PLXDC2: variants seen among roughly 807,000 people sequenced by gnomAD.
PLXDC2 encodes the protein plexin domain-containing protein 2.
A neutral mutation model predicts 68.9 loss-of-function variants in PLXDC2; 40 were observed. The ratio of observed to expected loss-of-function variants is 0.58; its 90% CI spans 0.45 to 0.76. The LOEUF (loss-of-function observed/expected upper bound fraction) is 0.76. Among genes scored for constraint, PLXDC2 ranks in the 30% least tolerant of loss-of-function variants. PLXDC2 has a pLI of 0.00. For synonymous variants in PLXDC2, 243 were observed against 234.2 expected, an observed-to-expected ratio of 1.04 and a Z score of -0.34; for missense variants, 644 against 661.9, an observed-to-expected ratio of 0.97 and a Z score of 0.30.
At chr10:20,122,978 A>G (rs893350436) in intron 4 of PLXDC2, among the ~76,000 whole-genome samples, 6 of 152,206 alleles carry the variant, frequency 3.9e-5, no homozygotes, top group African/African-American at 1.4e-4. Flanking sequence ...ATTTGATGAA[A>G]AAGAGCCTAA....
At chr10:19,835,653 T>A (rs1836775581) in intron 1 of PLXDC2, among the ~76,000 whole-genome samples, 1 of 152,020 alleles carries the variant, frequency 6.6e-6, no homozygotes, top group Admixed American at 6.6e-5. Context: ...AGAGAGCTGG[T>A]CTGGGAAGGG....
rs1370781989 is a variant in PLXDC2, at chr10:20,245,441, C to T, written c.1409C>T (p.Ala470Val). Residue 470 changes from alanine to valine, a missense_variant, in exon 13 of 14, where the codon GCC (alanine) becomes GTC (valine). Ala to Val is a moderately conservative substitution (Grantham distance 64). Transcript: ENST00000377252. ...ILILVLIVAT[A>V]ILVTVYMYHH... ...ATCCTGGTCCTCATTGTAGCCACAG[C>T]CATTCTTGTGACAGTCTATATGTAT... 1.2e-6 allele frequency: 2 copies of T among 1,613,588 alleles called. No individual in the cohort carries two copies. The highest frequency in any genetic ancestry group is 1.7e-6 in the Non-Finnish European group (2 of 1,179,958).
chr10:19,903,977 C>G lies in PLXDC2; in HGVS notation c.112+86786C>G, dbSNP rs191214832. Among the ~76,000 whole-genome samples the G allele has an allele frequency of 2.2e-3, 337 of 152,114 alleles. 1 individual carries two copies. Among genetic ancestry groups the G allele is most frequent in the African/African-American group, 7.7e-3 (318 of 41,504 alleles). ...CAGGATCAGTTTATTTAATTTCCAT[C>G]TATTTGTGTGGTTTTGAGGGTTCCT... On this transcript the variant is annotated intron_variant, in intron 1 of 13. Coordinates refer to ENST00000377252, the MANE Select transcript of PLXDC2 (RefSeq NM_032812.9).
At chr10:20,186,361 A>G (rs1203248742) in intron 9 of PLXDC2, among the ~76,000 whole-genome samples, 1 of 151,970 alleles carries the variant, frequency 6.6e-6, no homozygotes, top group Admixed American at 6.6e-5. Context: ...TGATGACCAC[A>G]CTAGCGTAGG....
At chr10:20,060,602 C>CACCA (rs1048362846) in intron 3 of PLXDC2, among the ~76,000 whole-genome samples, 4 of 151,860 alleles carry the variant, frequency 2.6e-5, no homozygotes, top group Non-Finnish European at 5.9e-5. Flanking sequence ...CTCAGCCCAG[C>CACCA]TTGCTGCTCT....
At chr10:19,971,402 A>T (rs893691307) in intron 1 of PLXDC2, among the ~76,000 whole-genome samples, 7 of 152,292 alleles carry the variant, frequency 4.6e-5, no homozygotes, top group South Asian at 2.1e-4. Context: ...GTAAGCAAAA[A>T]ATTACTACAG....
At chr10:20,231,404 GTATT>G (rs1459411627) in intron 12 of PLXDC2, among the ~76,000 whole-genome samples, 2 of 151,198 alleles carry the variant, frequency 1.3e-5, no homozygotes, top group East Asian at 3.9e-4. Context: ...CTGCTAAAAA[GTATT>G]TAGAAGGAAA....
At chr10:19,877,371 G>A (rs567316776) in intron 1 of PLXDC2, among the ~76,000 whole-genome samples, 4 of 152,064 alleles carry the variant, frequency 2.6e-5, no homozygotes, top group African/African-American at 7.2e-5. Flanking sequence ...ATTGTTCTTC[G>A]CCCCCATAAC....
rs16920007 is a variant in PLXDC2 at position 20,174,028 on chromosome 10, A to G, written c.884-2971A>G. On this transcript the variant is annotated intron_variant, in intron 7 of 13. Transcript: ENST00000377252. ...TCTCTTTACTCCATACGCACGATCA[A>G]TAACTCTCAGAAGCTTCTCAATCAT... Among the ~76,000 whole-genome samples, 1,426 of 152,316 alleles carry G rather than the reference A, an allele frequency of 9.4e-3. 24 individuals carry two copies. The highest frequency in any genetic ancestry group is 0.033 in the African/African-American group (1,356 of 41,570).
intron 2 of PLXDC2, among the ~76,000 whole-genome samples, chr10:20,035,664 C>G (rs752927001): frequency 6.6e-6 from 1 of 151,910 alleles, no homozygotes; most frequent in African/African-American, 2.4e-5. Context: ...CCACAGCACT[C>G]CAGCCTTGGT....
chr10:20,203,090 C>G (rs1354610210), intron 9 of PLXDC2, among the ~76,000 whole-genome samples: 1 of 152,058 alleles, frequency 6.6e-6, no homozygotes, highest in Non-Finnish European at 1.5e-5. Flanking sequence ...TCAACTCTTT[C>G]CTGTCCTACA....
At chr10:20,202,219 AT>A (rs1387302818) in intron 9 of PLXDC2, among the ~76,000 whole-genome samples, 1 of 152,184 alleles carries the variant, frequency 6.6e-6, no homozygotes, top group Admixed American at 6.6e-5. Context: ...TGCAACAAAT[AT>A]TTAGCTTCAA....
chr10:20,182,559 A>G (rs1834620593), intron 9 of PLXDC2, among the ~76,000 whole-genome samples: 1 of 151,992 alleles, frequency 6.6e-6, no homozygotes, highest in Non-Finnish European at 1.5e-5. Flanking sequence ...CACTATGAAT[A>G]TTCATGTACA....
intron 1 of PLXDC2, among the ~76,000 whole-genome samples, chr10:19,855,765 C>T (rs1564610660): frequency 6.6e-6 from 1 of 152,052 alleles, no homozygotes. Flanking sequence ...TAGTTTAGTG[C>T]CTACAACAAA....
intron 12 of PLXDC2, among the ~76,000 whole-genome samples, chr10:20,230,709 A>AAAAAAAAAAAAAAAAAAAG (rs1164509092): frequency 6.7e-6 from 1 of 149,712 alleles, no homozygotes; most frequent in Admixed American, 6.7e-5. Flanking sequence ...AAAAAAAAAA[A>AAAAAAAAAAAAAAAAAAAG]AAAAACAGGA....
intron 1 of PLXDC2, among the ~76,000 whole-genome samples, chr10:19,946,137 G>A (rs965390612): frequency 4.6e-5 from 7 of 152,144 alleles, no homozygotes; most frequent in Non-Finnish European, 7.3e-5. Flanking sequence ...AAGCAGCTCA[G>A]TTGAATCTGC....
intron 1 of PLXDC2, among the ~76,000 whole-genome samples, chr10:19,820,630 G>C (rs1191296851): frequency 7.5e-6 from 1 of 132,616 alleles, no homozygotes; most frequent in Admixed American, 7.8e-5. Flanking sequence ...GACAGAGCGA[G>C]ACTCCGTCTC....
chr10:19,959,091 G>A (rs1213839517), intron 1 of PLXDC2, among the ~76,000 whole-genome samples: 1 of 152,130 alleles, frequency 6.6e-6, no homozygotes, highest in South Asian at 2.1e-4. Flanking sequence ...GCTAAATTTG[G>A]ACTGTCATTT....
intron 9 of PLXDC2, among the ~76,000 whole-genome samples, chr10:20,183,934 C>T (rs1287260018): frequency 1.3e-5 from 2 of 151,892 alleles, no homozygotes; most frequent in Non-Finnish European, 1.5e-5. Context: ...CAAAATTTTC[C>T]ACCTCATATT....
Sources: gnomAD v4.1 joint callset for allele counts (sites outside exome capture counted in the v4.1 genomes callset) on GRCh38, gnomAD v4.1.1 for gene constraint, MANE v1.5 for transcripts, NCBI Gene and HGNC (gene_info 2026-07-23, HGNC 2026-07-21) for gene names.